Variants in HUNK observed in about 807,000 individuals in gnomAD.
HUNK encodes the protein hormonally up-regulated neu tumor-associated kinase.
In HUNK, 21 loss-of-function variants were observed where a neutral mutation model predicts 61.0. The observed-to-expected ratio is 0.34, with a 90% CI of 0.24 to 0.50. The LOEUF is 0.50. HUNK is among the 20% of genes least tolerant of loss of function. The pLI, the probability that HUNK is intolerant of heterozygous loss-of-function variation, is 0.98. For missense variants in HUNK, 772 were observed against 945.7 expected, an observed-to-expected ratio of 0.82 and a Z score of 2.41; for synonymous variants, 371 against 386.1, an observed-to-expected ratio of 0.96 and a Z score of 0.46.
At chr21:31,966,385 T>A (rs1366056078) in intron 5 of HUNK, among the ~76,000 whole-genome samples, 1 of 152,228 alleles carries the variant, frequency 6.6e-6, no homozygotes. Context: ...TGTGCTGCTA[T>A]AAACATGTGT....
chr21:31,896,444 A>G (rs2123796273), intron 1 of HUNK, among the ~76,000 whole-genome samples: 1 of 152,314 alleles, frequency 6.6e-6, no homozygotes, highest in South Asian at 2.1e-4. Context: ...GTAACAAATC[A>G]CATTCTGTGC....
intron 4 of HUNK, among the ~76,000 whole-genome samples, chr21:31,946,980 A>G (rs917092780): frequency 1.3e-5 from 2 of 151,998 alleles, no homozygotes; most frequent in African/African-American, 2.4e-5. Context: ...CCCACATCCC[A>G]TTCTCAAGCC....
At chr21:31,964,238 G>C (rs931798579) in intron 5 of HUNK, among the ~76,000 whole-genome samples, 1 of 152,208 alleles carries the variant, frequency 6.6e-6, no homozygotes, top group African/African-American at 2.4e-5. Context: ...TGCTAATTAC[G>C]ATGTCCAAGA....
At chr21:31,950,782 C>T (rs899967442) in intron 4 of HUNK, among the ~76,000 whole-genome samples, 1 of 152,156 alleles carries the variant, frequency 6.6e-6, no homozygotes, top group East Asian at 1.9e-4. Context: ...AACCGATTTT[C>T]TTGCTGGGTT....
chr21:31,943,079 G>C (rs1232431244), intron 3 of HUNK, among the ~76,000 whole-genome samples: 1 of 151,884 alleles, frequency 6.6e-6, no homozygotes, highest in South Asian at 2.1e-4. Context: ...TTCTTCAAAG[G>C]CATTACCTAC....
chr21:31,904,063 C>T (rs1173931447), intron 1 of HUNK, among the ~76,000 whole-genome samples: 2 of 151,780 alleles, frequency 1.3e-5, no homozygotes, highest in Non-Finnish European at 2.9e-5. Context: ...TTAAGTACCT[C>T]TTCATGGAGG....
At chr21:31,972,590 ACTGCT>A (rs1345105872) in intron 6 of HUNK, among the ~76,000 whole-genome samples, 3 of 152,158 alleles carry the variant, frequency 2.0e-5, no homozygotes, top group Non-Finnish European at 4.4e-5. Flanking sequence ...CGGCGGGTGC[ACTGCT>A]CTTGGGATTC....
intron 2 of HUNK, among the ~76,000 whole-genome samples, chr21:31,939,711 T>C (rs767780944): frequency 3.2e-4 from 46 of 144,010 alleles, no homozygotes; most frequent in Non-Finnish European, 4.2e-4. Context: ...CCCGGCCTCA[T>C]GTGTTGTTTT....
intron 1 of HUNK, among the ~76,000 whole-genome samples, chr21:31,908,088 G>A (rs529745013): frequency 6.6e-6 from 1 of 152,264 alleles, no homozygotes; most frequent in African/African-American, 2.4e-5. Context: ...TAAGGAGTAT[G>A]TGTCTCACTA....
At chr21:31,948,069 C>A (rs929382662) in intron 4 of HUNK, among the ~76,000 whole-genome samples, 7 of 152,156 alleles carry the variant, frequency 4.6e-5, no homozygotes, top group Non-Finnish European at 5.9e-5. Flanking sequence ...AAGAAGAAAC[C>A]CATCATAAGA....
intron 9 of HUNK, among the ~76,000 whole-genome samples, chr21:31,990,574 C>T (rs4331597): frequency 0.26 from 39,278 of 151,254 alleles, 6,374 homozygotes; most frequent in Non-Finnish European, 0.34. Flanking sequence ...CTCGCTCTGT[C>T]GCCCAGGCTG....
In HUNK at chr21:31,945,657, A is replaced by G. The variant is rs539761389; in HGVS notation, c.611-379A>G. Among the ~76,000 whole-genome samples the G allele has an allele frequency of 1.5e-3, 229 of 152,278 alleles. 3 individuals carry two copies. The highest frequency in any genetic ancestry group is 5.2e-3 in the African/African-American group (215 of 41,564). ...TTCCCCACTTGGCAGCTTGGGAGCTAACTCAAATCCCCTCTGCTTGTTCTT... is the reference window on the plus strand; with the variant it reads ...TTCCCCACTTGGCAGCTTGGGAGCTGACTCAAATCCCCTCTGCTTGTTCTT... On this transcript the variant is annotated intron_variant, in intron 3 of 10. Transcript: ENST00000270112.
At position 31,873,481 on chromosome 21, in the gene HUNK, C is replaced by A; in HGVS notation, c.-194C>A. 4.0e-6 allele frequency: 1 copy of A among 247,168 alleles called. No homozygotes were observed. The highest frequency in any genetic ancestry group is 6.4e-6 in the Non-Finnish European group (1 of 155,198). 15.3% of individuals were successfully genotyped at this position (247,168 alleles called of 1,614,324 possible). A position where few individuals can be genotyped will look rare whatever the true frequency, so the allele number is the denominator to read the frequency against. ...CCCCGGTCCCGCGTCCCCTGGGCAGCCGCTATTGTCTACGCGCCTCGCTGG... is the reference window on the plus strand; with the variant it reads ...CCCCGGTCCCGCGTCCCCTGGGCAGACGCTATTGTCTACGCGCCTCGCTGG... On this transcript the variant is annotated 5_prime_UTR_variant, in exon 1 of 11. Coordinates refer to ENST00000270112, the MANE Select transcript of HUNK (RefSeq NM_014586.2). The surrounding 1 kb of genome is among the most constrained non-coding windows in gnomAD (Gnocchi z 6.1).
At chr21:31,923,063 C>G (rs1304654919) in intron 1 of HUNK, among the ~76,000 whole-genome samples, 1 of 152,092 alleles carries the variant, frequency 6.6e-6, no homozygotes, top group Non-Finnish European at 1.5e-5. Context: ...AGAGGAAGGA[C>G]AGGTGGCGAG....
intron 2 of HUNK, among the ~76,000 whole-genome samples, chr21:31,930,562 T>C (rs1316785590): frequency 3.3e-5 from 5 of 152,234 alleles, no homozygotes. Flanking sequence ...CAGCACCCTC[T>C]ACTTTTCTTT....
intron 2 of HUNK, among the ~76,000 whole-genome samples, chr21:31,931,311 T>C (rs1342840789): frequency 5.3e-5 from 8 of 152,144 alleles, no homozygotes; most frequent in Non-Finnish European, 1.2e-4. Context: ...CCAATACTCT[T>C]TGCTTATGGC....
chr21:31,896,741 G>C (rs1315599728), intron 1 of HUNK, among the ~76,000 whole-genome samples: 2 of 152,170 alleles, frequency 1.3e-5, no homozygotes, highest in African/African-American at 4.8e-5. Context: ...GGTCCATAAA[G>C]CTCTTTATAT....
At chr21:31,962,921 G>A (rs1293239602) in intron 5 of HUNK, among the ~76,000 whole-genome samples, 3 of 152,178 alleles carry the variant, frequency 2.0e-5, no homozygotes. Flanking sequence ...CTCAGGATTG[G>A]GAATTGTCCT....
rs148334982 is a variant in HUNK, at chr21:31,946,235, A to C, written c.746+64A>C. On this transcript the variant is annotated intron_variant, in intron 4 of 10. Transcript: ENST00000270112. ...CTGTCTCCACCGTGCCTTCCTTATG[A>C]AATCATGCCTGAGTATTGGATGGCA... 2.2e-5 allele frequency: 33 copies of C among 1,521,598 alleles called. No individual in the cohort carries two copies. The African/African-American group carries it at 4.1e-4, about 19-fold the overall frequency. 94.3% of individuals were successfully genotyped at this position (1,521,598 alleles called of 1,614,324 possible).
Sources: gnomAD v4.1 joint callset for allele counts (sites outside exome capture counted in the v4.1 genomes callset) on GRCh38, gnomAD v4.1.1 for gene constraint, Gnocchi (gnomAD v3.1) non-coding constraint, MANE v1.5 for transcripts, NCBI Gene and HGNC (gene_info 2026-07-23, HGNC 2026-07-21) for gene names.